Variants in ELMO1 observed in about 807,000 individuals in gnomAD.
The protein encoded by ELMO1 is engulfment and cell motility protein 1.
Under a neutral mutation model 98.9 loss-of-function variants are expected in ELMO1, and 26 were observed. The ratio of observed to expected loss-of-function variants is 0.26; its 90% CI spans 0.19 to 0.36. The LOEUF is 0.36. Ranked by LOEUF, ELMO1 falls within the 10% of genes least tolerant of loss-of-function variation. The pLI, the probability that ELMO1 is intolerant of heterozygous loss-of-function variation, is 1.00. For missense variants in ELMO1, 627 were observed against 935.2 expected (o/e 0.67, Z 4.30); for synonymous variants, 346 against 346.0 (o/e 1.00, Z 0.00).
intron 15 of ELMO1, among the ~76,000 whole-genome samples, chr7:37,052,067 T>A (rs1231567472): frequency 3.3e-5 from 5 of 152,196 alleles, no homozygotes; most frequent in African/African-American, 1.2e-4. Context: ...AATTCTGAGA[T>A]CTCCAAGATG....
intron 15 of ELMO1, among the ~76,000 whole-genome samples, chr7:37,023,150 G>C (rs1386153235): frequency 6.6e-6 from 1 of 152,166 alleles, no homozygotes; most frequent in Non-Finnish European, 1.5e-5. Context: ...GGCCTCTGAG[G>C]GTTGTTTAAT....
chr7:37,442,551 C>T (rs535664750), intron 1 of ELMO1, among the ~76,000 whole-genome samples: 29 of 152,308 alleles, frequency 1.9e-4, no homozygotes, highest in Admixed American at 5.9e-4. Context: ...ATACTGTTCT[C>T]ATTTTTTATT....
chr7:37,334,687 G>A (rs865802060), intron 2 of ELMO1, among the ~76,000 whole-genome samples: 1 of 152,062 alleles, frequency 6.6e-6, no homozygotes, highest in Non-Finnish European at 1.5e-5. Flanking sequence ...TGCTACTAAC[G>A]AGCAAAATTC....
At position 36,908,092 on chromosome 7, in the gene ELMO1, A is replaced by T. The variant is rs1319490378; in HGVS notation, c.1438-13075T>A. On this transcript the variant is annotated intron_variant, in intron 16 of 21. Coordinates refer to ENST00000310758, the MANE Select transcript of ELMO1 (RefSeq NM_014800.11). ...GTGAAAATTATTTGACCCAACAGCT[A>T]AACAGAATTTCTATATCACTTCCCA... Among the ~76,000 whole-genome samples, 3 of 152,202 alleles carry T rather than the reference A, an allele frequency of 2.0e-5. No individual in the cohort carries two copies. In the South Asian group the frequency reaches 6.2e-4, roughly 31 times the overall value.
chr7:36,985,542 C>T (rs1267967289), intron 16 of ELMO1, among the ~76,000 whole-genome samples: 1 of 152,118 alleles, frequency 6.6e-6, no homozygotes, highest in Non-Finnish European at 1.5e-5. Flanking sequence ...CAAGCGGCTC[C>T]GGGCTCCGTG....
intron 16 of ELMO1, among the ~76,000 whole-genome samples, chr7:36,974,166 C>T (rs1443345314): frequency 2.0e-5 from 3 of 152,246 alleles, no homozygotes; most frequent in East Asian, 1.9e-4. Context: ...CCTGCAGCCC[C>T]GGTGTGGTAT....
chr7:37,130,671 A>C (rs1325762659), intron 14 of ELMO1, among the ~76,000 whole-genome samples: 4 of 152,204 alleles, frequency 2.6e-5, no homozygotes, highest in Non-Finnish European at 5.9e-5. Context: ...CAACTTGGGA[A>C]CATATGGCTA....
At chr7:36,964,036 T>G (rs988584261) in intron 16 of ELMO1, among the ~76,000 whole-genome samples, 2 of 152,220 alleles carry the variant, frequency 1.3e-5, no homozygotes, top group Admixed American at 1.3e-4. Flanking sequence ...TTGTGTAGGT[T>G]CTTTATATAT....
intron 16 of ELMO1, among the ~76,000 whole-genome samples, chr7:36,982,155 T>C (rs1584474475): frequency 6.6e-6 from 1 of 152,236 alleles, no homozygotes; most frequent in Non-Finnish European, 1.5e-5. Context: ...TTGGAAAACT[T>C]TGATGTATGT....
At chr7:37,258,456 AG>A (rs1471417744) in intron 6 of ELMO1, among the ~76,000 whole-genome samples, 3 of 151,808 alleles carry the variant, frequency 2.0e-5, no homozygotes, top group Admixed American at 6.6e-5. Context: ...AAAATAAGAG[AG>A]AGAGAGAGAG....
At chr7:37,115,605 A>T (rs1044553377) in intron 14 of ELMO1, among the ~76,000 whole-genome samples, 1 of 152,220 alleles carries the variant, frequency 6.6e-6, no homozygotes, top group Non-Finnish European at 1.5e-5. Context: ...CCTCAGCTAC[A>T]TAAAGAACAT....
intron 13 of ELMO1, among the ~76,000 whole-genome samples, chr7:37,153,863 C>T (rs923975758): frequency 1.2e-4 from 18 of 152,188 alleles, no homozygotes; most frequent in African/African-American, 4.3e-4. Flanking sequence ...AAGCAGGTCC[C>T]TGACCCCCGA....
chr7:36,857,484 G>A lies in ELMO1; in HGVS notation c.1984-1733C>T, dbSNP rs192820151. On this transcript the variant is annotated intron_variant, in intron 21 of 21. Transcript: ENST00000310758. ...AAATCCCCAAGTCCTGGGGATTACT[G>A]TTCTTTTCACACAGCCTTCCCAGGC... Among the ~76,000 whole-genome samples the A allele has an allele frequency of 3.9e-5, 6 of 152,226 alleles. No individual in the cohort carries two copies. In the East Asian group the frequency reaches 1.2e-3, roughly 29 times the overall value.
intron 1 of ELMO1, among the ~76,000 whole-genome samples, chr7:37,345,987 TAAA>T (rs554672695): frequency 7.9e-5 from 9 of 114,452 alleles, no homozygotes; most frequent in Admixed American, 2.7e-4. Flanking sequence ...AGACTCCATC[TAAA>T]AAAAAAAAAA....
chr7:37,407,122 T>C (rs1008082617), intron 1 of ELMO1, among the ~76,000 whole-genome samples: 3 of 152,182 alleles, frequency 2.0e-5, no homozygotes, highest in Admixed American at 6.5e-5. Flanking sequence ...GCAACTAAGA[T>C]GTCCTTCAAC....
intron 4 of ELMO1, among the ~76,000 whole-genome samples, chr7:37,277,497 G>A (rs1306172293): frequency 4.6e-5 from 7 of 152,332 alleles, no homozygotes; most frequent in South Asian, 2.1e-4. Flanking sequence ...AAAGGAAGAC[G>A]GGACTCTTGA....
At chr7:37,168,973 G>T (rs1339364034) in intron 13 of ELMO1, among the ~76,000 whole-genome samples, 1 of 152,176 alleles carries the variant, frequency 6.6e-6, no homozygotes, top group South Asian at 2.1e-4. Flanking sequence ...CAGGCCTCCT[G>T]GAGCTGTGGT....
At chr7:37,350,438 A>G (rs1801208618) in intron 1 of ELMO1, among the ~76,000 whole-genome samples, 1 of 152,186 alleles carries the variant, frequency 6.6e-6, no homozygotes. Context: ...AGGCTAGGGG[A>G]CAGCTGCCAG....
At chr7:37,282,885 C>T (rs1446817599) in intron 4 of ELMO1, among the ~76,000 whole-genome samples, 1 of 152,188 alleles carries the variant, frequency 6.6e-6, no homozygotes, top group Non-Finnish European at 1.5e-5. Flanking sequence ...CAGCTGTTGT[C>T]TTTTTCTCGC....
Sources: allele counts gnomAD v4.1 joint callset (sites outside exome capture counted in the v4.1 genomes callset), GRCh38; gene constraint gnomAD v4.1.1; transcripts MANE v1.5; gene names NCBI Gene and HGNC (gene_info 2026-07-23, HGNC 2026-07-21).